Variants in MYRF observed in about 807,000 individuals in gnomAD.
MYRF encodes myelin regulatory factor.
Under a neutral mutation model 126.3 loss-of-function variants are expected in MYRF, and 16 were observed. The ratio of observed to expected loss-of-function variants is 0.13; its 90% confidence interval spans 0.09 to 0.19. The LOEUF is 0.19. Ranked by LOEUF, MYRF falls within the 10% of genes least tolerant of loss-of-function variation. The probability of loss-of-function intolerance (pLI) is 1.00; values close to 1 mark genes in which losing one functional copy is unlikely to be tolerated. For synonymous variants in MYRF, 608 were observed against 635.3 expected, an observed-to-expected ratio of 0.96 and a Z score of 0.65; for missense variants, 1,104 against 1,547.0, an observed-to-expected ratio of 0.71 and a Z score of 4.80.
intron 1 of MYRF, among the ~76,000 whole-genome samples, chr11:61,759,467 C>T (rs935760467): frequency 1.3e-5 from 2 of 152,080 alleles, no homozygotes; most frequent in Admixed American, 6.5e-5. Context: ...GTCAGGAGTT[C>T]GAGACCAGCC....
At position 61,771,886 on chromosome 11, in the gene MYRF, C is replaced by T. The variant is rs762905990; in HGVS notation, c.1049C>T (p.Ser350Phe). The change falls in exon 7 of 27, where the codon TCC becomes TTC. Residue 350 changes from serine (S) to phenylalanine (F), a missense_variant. Ser to Phe is a radical substitution (Grantham distance 155). Coordinates refer to ENST00000278836, the MANE Select transcript of MYRF (RefSeq NM_001127392.3). ...SGSYLDPNYQSIKWQPHQQNK... is the reference protein window; with the variant it reads ...SGSYLDPNYQFIKWQPHQQNK... ...TCCTACCTGGACCCCAACTACCAGT[C>T]CATCAAGTGGCAGCCTCATCAGCAG... The T allele has an allele frequency of 6.2e-7, 1 of 1,614,176 alleles. No homozygotes were observed. Among genetic ancestry groups the T allele is most frequent in the Admixed American group, 1.7e-5 (1 of 60,036 alleles).
Position 61,774,536 on chromosome 11 carries a change from A to C in MYRF, c.1311+374A>C, listed in dbSNP as rs867195380. 1.2e-3 allele frequency among the ~76,000 whole-genome samples: 91 copies of C among 76,364 alleles called. 3 individuals carry two copies. In the Middle Eastern group the frequency reaches 0.034, roughly 28 times the overall value. 50.1% of individuals were successfully genotyped at this position (76,364 alleles called of 152,430 possible). On this transcript the variant is annotated intron_variant, in intron 8 of 26. Transcript: ENST00000278836. ...GACTTCATCTCAAAAAAAAAAAAGA[A>C]AAAAAAAAAAGCAAGCATCTGTGTG...
Position 61,773,959 on chromosome 11 carries a change from C to A in MYRF, c.1116-8C>A, listed in dbSNP as rs374279352. ...GCCTCAGGGGAGTGCCCTCACCCGC[C>A]CCCCCAGGCCCATGCTCACCTACCG... On this transcript the variant is annotated splice_region_variant and splice_polypyrimidine_tract_variant and intron_variant, in intron 7 of 26. Transcript: ENST00000278836. 11 of 1,599,346 alleles carry A rather than the reference C, an allele frequency of 6.9e-6. No homozygotes were observed. Among genetic ancestry groups the A allele is most frequent in the East Asian group, 4.5e-5 (2 of 44,618 alleles).
Position 61,777,327 on chromosome 11 carries a change from G to A in MYRF, c.1654G>A (p.Asp552Asn), listed in dbSNP as rs751775514. The A allele has an allele frequency of 1.2e-6, 2 of 1,613,324 alleles. No individual in the cohort carries two copies. The highest frequency in any genetic ancestry group is 2.2e-5 in the South Asian group (2 of 91,082). Residue 552 changes from aspartate (D) to asparagine (N), a missense_variant, in exon 12 of 27, where the codon GAC becomes AAC. Transcript: ENST00000278836. The surrounding 1 kb of genome is among the most constrained non-coding windows in gnomAD (Gnocchi z 8.8). ...GTTGTGGCAGCGGGCACAGGTGCCC[G>A]ACACCGTCTTCCACCACGGCCGCGT... Reference protein sequence around the residue: ...DVLWQRAQVPDTVFHHGRVGI... With the variant: ...DVLWQRAQVPNTVFHHGRVGI...
Position 61,785,836 on chromosome 11 carries a change from T to G in MYRF, c.3337T>G (p.Phe1113Val). 6.2e-7 allele frequency: 1 copy of G among 1,614,152 alleles called. No individual in the cohort carries two copies. The highest frequency in any genetic ancestry group is 8.5e-7 in the Non-Finnish European group (1 of 1,180,018). The change falls in exon 26 of 27, where the codon TTC becomes GTC. Residue 1113 changes from phenylalanine (F) to valine (V), a missense_variant. This residue lies in a region of MYRF where 94 missense variants were observed against 164.6 expected (regional missense o/e 0.57). Coordinates refer to ENST00000278836, the MANE Select transcript of MYRF (RefSeq NM_001127392.3). ...SHRWPITILS[F>V]REFTYHFRVA... ...CCGGTGGCCAATAACCATCCTGTCC[T>G]TCCGTGAATTCACCTACCACTTCCG...
rs191842946 is a variant in MYRF, at chr11:61,780,197, C to T, written c.2337-25C>T. ...CACTGGATGGTGGCTCCAGCTCTAACGGTCACCCTTTTCTGTGGCTCCAGC... is the reference window on the plus strand; with the variant it reads ...CACTGGATGGTGGCTCCAGCTCTAATGGTCACCCTTTTCTGTGGCTCCAGC... On this transcript the variant is annotated intron_variant, in intron 17 of 26. Transcript: ENST00000278836. 1,046 of 1,612,724 alleles carry T rather than the reference C, an allele frequency of 6.5e-4. 6 individuals are homozygous for T. In the East Asian group the frequency reaches 7.8e-3, roughly 12 times the overall value.
intron 3 of MYRF, among the ~76,000 whole-genome samples, chr11:61,768,062 G>A (rs2066113200): frequency 6.6e-6 from 1 of 151,252 alleles, no homozygotes; most frequent in South Asian, 2.1e-4. Context: ...AGGTTACAGT[G>A]AGTGGTGATT....
chr11:61,769,378 G>A, intron 4 of MYRF, 57 bp downstream of exon 4: 2 of 1,404,850 alleles, frequency 1.4e-6, no homozygotes, highest in East Asian at 2.4e-5. Context: ...AGTTGGGGCG[G>A]CCTTATCAGG....
chr11:61,771,946 A>G lies in MYRF; in HGVS notation c.1109A>G (p.Lys370Arg). The G allele has an allele frequency of 6.2e-7, 1 of 1,614,046 alleles. No homozygotes were observed. The highest frequency in any genetic ancestry group is 8.5e-7 in the Non-Finnish European group (1 of 1,179,954). ...GCGACCCTGTACGATGCTAACTACAAGGAGCTGTGAGTGCCCTACAACACT... is the reference window on the plus strand; with the variant it reads ...GCGACCCTGTACGATGCTAACTACAGGGAGCTGTGAGTGCCCTACAACACT... The part of the protein sequence containing the change: ...KWATLYDANY[K>R]ELPMLTYRVD... The change falls in exon 7 of 27, where the codon AAG (lysine) becomes AGG (arginine). Residue 370 changes from lysine (K) to arginine (R), a missense_variant. By Grantham distance (26) the Lys-to-Arg change is conservative. Coordinates refer to ENST00000278836, the MANE Select transcript of MYRF (RefSeq NM_001127392.3).
In MYRF at chr11:61,778,360, G is replaced by T; in HGVS notation, c.1904-20G>T. The T allele has an allele frequency of 6.5e-6, 10 of 1,535,304 alleles. No individual in the cohort carries two copies. The highest frequency in any genetic ancestry group is 9.0e-6 in the Non-Finnish European group (10 of 1,108,642). ...CTTTACCACCCCCCCACCCATCTTT[G>T]GCTTGTCCCCTGCCCCCAGGTGTCA... On this transcript the variant is annotated intron_variant, in intron 13 of 26. Coordinates refer to ENST00000278836, the MANE Select transcript of MYRF (RefSeq NM_001127392.3). The surrounding 1 kb of genome is among the most constrained non-coding windows in gnomAD (Gnocchi z 4.6).
At chr11:61,764,100 G>A (rs1315202910) in intron 1 of MYRF, among the ~76,000 whole-genome samples, 3 of 152,238 alleles carry the variant, frequency 2.0e-5, no homozygotes, top group African/African-American at 7.2e-5. Flanking sequence ...CGTGGTGGGT[G>A]TCCCTTGTTC....
chr11:61,761,269 G>T lies in MYRF; in HGVS notation c.47-4356G>T, dbSNP rs539103082. Reference sequence around the variant, plus strand: ...AACGGCCACAGCTGGTGGGGGGGGGGGCACATAAGCACAAGGAGGGGCGGA... The same window carrying T: ...AACGGCCACAGCTGGTGGGGGGGGGTGCACATAAGCACAAGGAGGGGCGGA... On this transcript the variant is annotated intron_variant, in intron 1 of 26. Coordinates refer to ENST00000278836, the MANE Select transcript of MYRF (RefSeq NM_001127392.3). Among the ~76,000 whole-genome samples the T allele has an allele frequency of 1.2e-3, 173 of 145,456 alleles. 1 individual carries two copies. Among genetic ancestry groups the T allele is most frequent in the Non-Finnish European group, 1.9e-3 (124 of 64,154 alleles).
chr11:61,761,262 G>GT (rs1555053539), intron 1 of MYRF, among the ~76,000 whole-genome samples: 6 of 143,948 alleles, frequency 4.2e-5, no homozygotes, highest in African/African-American at 7.5e-5. Context: ...CAGCTGGTGG[G>GT]GGGGGGGGCA....
rs769289763 is a variant in MYRF, at chr11:61,769,293, C to T, written c.432C>T (p.Ser144=). Residue 144 remains serine (S), a synonymous_variant, in exon 4 of 27, where the codon TCC becomes TCT. Transcript: ENST00000278836. The stretch of plus-strand genomic sequence containing the variant: ...CGGACTCTCCCCCAGACTCGGGCTC[C>T]GAGGCCTACTCCCCCCAGCAGGTGA... The part of the protein sequence containing the change: ...TLPDSPPDSG[S]EAYSPQQVNE... 46 of 1,609,902 alleles carry T rather than the reference C, an allele frequency of 2.9e-5. No individual in the cohort carries two copies. Among genetic ancestry groups the T allele is most frequent in the African/African-American group, 4.0e-5 (3 of 74,872 alleles).
At chr11:61,761,757 G>A (rs1330250024) in intron 1 of MYRF, among the ~76,000 whole-genome samples, 1 of 152,258 alleles carries the variant, frequency 6.6e-6, no homozygotes, top group Non-Finnish European at 1.5e-5. Flanking sequence ...TGTAAGCTAT[G>A]GGCACATGCC....
At position 61,757,504 on chromosome 11, in the gene MYRF, T is replaced by A. The variant is rs1375405483; in HGVS notation, c.46+4714T>A. The A allele has an allele frequency of 2.2e-6, 1 of 456,344 alleles. No individual in the cohort carries two copies. Among genetic ancestry groups the A allele is most frequent in the African/African-American group, 2.0e-5 (1 of 50,008 alleles). The allele number at this position is 456,344 out of a possible 1,614,324, so 28.3% of individuals were successfully genotyped here. A position where few individuals can be genotyped will look rare whatever the true frequency, so the allele number is the denominator to read the frequency against. Reference sequence around the variant, plus strand: ...TGCGCCCTACCTTGAAGATTACTGGTCCCCAGGGTAGGTCAGTGCCCCTAA... The same window carrying A: ...TGCGCCCTACCTTGAAGATTACTGGACCCCAGGGTAGGTCAGTGCCCCTAA... On this transcript the variant is annotated intron_variant, in intron 1 of 26. Transcript: ENST00000278836. This position sits in a 1 kb window ranked among gnomAD's most constrained non-coding sequence, Gnocchi z 4.7.
intron 7 of MYRF, among the ~76,000 whole-genome samples, chr11:61,773,082 T>C (rs2066271662): frequency 6.6e-6 from 1 of 150,932 alleles, no homozygotes; most frequent in African/African-American, 2.4e-5. Context: ...CTCTGCTCAC[T>C]GCAACCTCCG....
intron 1 of MYRF, among the ~76,000 whole-genome samples, chr11:61,760,426 G>A (rs779312724): frequency 3.3e-5 from 5 of 152,194 alleles, no homozygotes; most frequent in Non-Finnish European, 7.4e-5. Flanking sequence ...GGAGGCAGTC[G>A]CAGAAGGCTG....
chr11:61,763,613 C>T (rs1000172133), intron 1 of MYRF, among the ~76,000 whole-genome samples: 6 of 152,198 alleles, frequency 3.9e-5, no homozygotes, highest in Admixed American at 3.9e-4. Flanking sequence ...CCTGTAATCC[C>T]AGCACTTTGG....
Sources: gnomAD v4.1 joint callset for allele counts (sites outside exome capture counted in the v4.1 genomes callset) on GRCh38, gnomAD v4.1.1 for gene constraint, gnomAD v4.1.1 regional missense constraint, Gnocchi (gnomAD v3.1) non-coding constraint, MANE v1.5 for transcripts, NCBI Gene and HGNC (gene_info 2026-07-23, HGNC 2026-07-21) for gene names.